Variants in HACE1 observed in about 807,000 individuals in gnomAD.
HACE1 encodes the protein E3 ubiquitin-protein ligase HACE1.
A neutral mutation model predicts 118.4 loss-of-function variants in HACE1; 73 were observed. That is an observed-to-expected ratio of 0.62 (90% CI 0.51 to 0.75). HACE1 has a LOEUF of 0.75. Ranked by LOEUF, HACE1 falls within the 30% of genes least tolerant of loss-of-function variation. The probability of loss-of-function intolerance (pLI) is 0.00; values close to 1 mark genes in which losing one functional copy is unlikely to be tolerated. For missense variants in HACE1, 749 were observed against 1,102.2 expected, an observed-to-expected ratio of 0.68 and a Z score of 4.54; for synonymous variants, 368 against 374.8, an observed-to-expected ratio of 0.98 and a Z score of 0.21.
At chr6:104,838,123 C>T (rs142073690) in intron 5 of HACE1, among the ~76,000 whole-genome samples, 80 of 152,190 alleles carry the variant, frequency 5.3e-4, no homozygotes, top group African/African-American at 1.7e-3. Context: ...GTCAAAATGT[C>T]CATACTACTC....
In HACE1 at chr6:104,800,495, C is replaced by CT. The variant is rs566236263; in HGVS notation, c.618-3471_618-3470insA. 1.9e-4 allele frequency among the ~76,000 whole-genome samples: 29 copies of CT among 152,218 alleles called. No individual in the cohort carries two copies. In the East Asian group the frequency reaches 4.1e-3, roughly 21 times the overall value. On this transcript the variant is annotated intron_variant, in intron 7 of 23. Coordinates refer to ENST00000262903, the MANE Select transcript of HACE1 (RefSeq NM_020771.4). ...CAGACACCTCATATAGGCGGGTGCC[C>CT]CTCTGGGATGAAGCTTCCAGAGGAA...
intron 6 of HACE1, among the ~76,000 whole-genome samples, chr6:104,820,448 A>G (rs1432068190): frequency 2.6e-5 from 4 of 152,194 alleles, no homozygotes; most frequent in Non-Finnish European, 5.9e-5. Flanking sequence ...TGCATCTGAC[A>G]AAAGTCTAAT....
chr6:104,804,617 CT>C (rs1210076885), intron 7 of HACE1, among the ~76,000 whole-genome samples: 3 of 152,128 alleles, frequency 2.0e-5, no homozygotes, highest in Admixed American at 6.5e-5. Flanking sequence ...AAAGGATTCC[CT>C]ATTTGATAAA....
Position 104,751,520 on chromosome 6 carries a change from T to C in HACE1, c.2212-1048A>G, listed in dbSNP as rs79890500. 1.7e-3 allele frequency among the ~76,000 whole-genome samples: 258 copies of C among 152,226 alleles called. 2 individuals carry two copies. The East Asian group carries it at 0.045, about 26-fold the overall frequency. ...GGCACATGCCTGTACTCCTAGTTAC[T>C]AGGGGAGGCTGAGGTGGAAGCATTG... On this transcript the variant is annotated intron_variant, in intron 19 of 23. Coordinates refer to ENST00000262903, the MANE Select transcript of HACE1 (RefSeq NM_020771.4).
intron 17 of HACE1, among the ~76,000 whole-genome samples, chr6:104,774,717 C>G (rs1039649939): frequency 1.3e-5 from 2 of 152,224 alleles, no homozygotes; most frequent in African/African-American, 4.8e-5. Flanking sequence ...GACACAAAGG[C>G]GCAGAATAGT....
Position 104,728,567 on chromosome 6 carries a change from T to C in HACE1, c.*1095A>G, listed in dbSNP as rs1562236120. The C allele has an allele frequency of 6.6e-6, 1 of 152,234 alleles. No homozygotes were observed. The highest frequency in any genetic ancestry group is 1.5e-5 in the Non-Finnish European group (1 of 68,030). The allele number at this position is 152,234 out of a possible 1,614,324, so 9.4% of individuals were successfully genotyped here. ...ATGAGAAAATCTGCATATGTCATTCTACAAACAGTAATGTCATTAATATTC... is the reference window on the plus strand; with the variant it reads ...ATGAGAAAATCTGCATATGTCATTCCACAAACAGTAATGTCATTAATATTC... On this transcript the variant is annotated 3_prime_UTR_variant, in exon 24 of 24. Transcript: ENST00000262903.
At chr6:104,854,347 T>C (rs13215256) in intron 1 of HACE1, among the ~76,000 whole-genome samples, 23,141 of 152,202 alleles carry the variant, frequency 0.15, 1,791 homozygotes, top group Middle Eastern at 0.25. Flanking sequence ...AACTCTGTAG[T>C]ATAGTTAATA....
chr6:104,827,283 G>C (rs1220725669), intron 6 of HACE1, among the ~76,000 whole-genome samples: 2 of 152,046 alleles, frequency 1.3e-5, no homozygotes, highest in Non-Finnish European at 1.5e-5. Flanking sequence ...ATTATCACTA[G>C]CTAAAAGGAG....
chr6:104,738,071 A>G (rs1322877630), intron 22 of HACE1, among the ~76,000 whole-genome samples: 1 of 152,024 alleles, frequency 6.6e-6, no homozygotes. Context: ...GACACCTCAC[A>G]CGGCAGGGTA....
chr6:104,744,355 T>A, intron 21 of HACE1, 125 bp from the exon 22 acceptor site: 1 of 834,238 alleles, frequency 1.2e-6, no homozygotes, highest in Non-Finnish European at 2.1e-6. Context: ...CAAAAATGAT[T>A]TCATGCAAAG....
intron 6 of HACE1, among the ~76,000 whole-genome samples, chr6:104,826,692 C>T (rs1773368600): frequency 1.3e-5 from 2 of 152,146 alleles, no homozygotes; most frequent in South Asian, 4.1e-4. Context: ...TAAATGATTA[C>T]CTATGTATTT....
In HACE1 at chr6:104,859,701, C is replaced by T. The variant is rs1364236150; in HGVS notation, c.-59G>A. ...GCCGCCCCACCGGCGGCCTCCGCGC[C>T]CAGAGCCCTACATCTCGCCTGGGCC... On this transcript the variant is annotated 5_prime_UTR_variant, in exon 1 of 24. Coordinates refer to ENST00000262903, the MANE Select transcript of HACE1 (RefSeq NM_020771.4). The T allele has an allele frequency of 2.5e-5, 36 of 1,442,164 alleles. No individual in the cohort carries two copies. Among genetic ancestry groups the T allele is most frequent in the Admixed American group, 2.0e-5 (1 of 49,820 alleles). 89.3% of individuals were successfully genotyped at this position (1,442,164 alleles called of 1,614,324 possible).
chr6:104,800,759 G>A (rs1010693444), intron 7 of HACE1, among the ~76,000 whole-genome samples: 1 of 152,182 alleles, frequency 6.6e-6, no homozygotes, highest in African/African-American at 2.4e-5. Context: ...AAGATGGAGA[G>A]AAACCAGAGC....
At chr6:104,821,736 T>C (rs1294738492) in intron 6 of HACE1, among the ~76,000 whole-genome samples, 1 of 152,222 alleles carries the variant, frequency 6.6e-6, no homozygotes, top group African/African-American at 2.4e-5. Flanking sequence ...TAATCACTAT[T>C]CTATTTATCA....
intron 19 of HACE1, among the ~76,000 whole-genome samples, chr6:104,758,510 G>C (rs1441903709): frequency 1.3e-5 from 2 of 151,918 alleles, no homozygotes; most frequent in African/African-American, 4.8e-5. Flanking sequence ...GAGAGACTTT[G>C]TCACCACCAG....
intron 7 of HACE1, among the ~76,000 whole-genome samples, chr6:104,807,795 A>AGG: frequency 6.6e-6 from 1 of 152,216 alleles, no homozygotes; most frequent in Non-Finnish European, 1.5e-5. Context: ...TGTCCTGTCC[A>AGG]GAGTATCCAG....
chr6:104,820,834 T>C (rs933523661), intron 6 of HACE1, among the ~76,000 whole-genome samples: 10 of 152,316 alleles, frequency 6.6e-5, no homozygotes, highest in African/African-American at 2.2e-4. Context: ...ATCCCATTAC[T>C]GGGTATATAC....
chr6:104,798,644 A>T (rs1769959773), intron 7 of HACE1, among the ~76,000 whole-genome samples: 1 of 152,222 alleles, frequency 6.6e-6, no homozygotes, highest in Admixed American at 6.5e-5. Context: ...ATCAAGCATC[A>T]CTTGTCATTA....
chr6:104,826,439 T>G (rs942106513), intron 6 of HACE1, among the ~76,000 whole-genome samples: 4 of 152,256 alleles, frequency 2.6e-5, no homozygotes, highest in African/African-American at 4.8e-5. Flanking sequence ...TTCTATGATT[T>G]GGATTCAATT....
Sources: allele counts gnomAD v4.1 joint callset (sites outside exome capture counted in the v4.1 genomes callset), GRCh38; gene constraint gnomAD v4.1.1; transcripts MANE v1.5; gene names NCBI Gene and HGNC (gene_info 2026-07-23, HGNC 2026-07-21).